ANXA8: variants seen among roughly 807,000 people sequenced by gnomAD.
ANXA8 encodes the protein annexin A8.
ANXA8 carries 9 observed loss-of-function variants against 26.8 expected under a neutral mutation model. The observed-to-expected ratio is 0.34, with a 90% confidence interval of 0.20 to 0.59. The LOEUF (loss-of-function observed/expected upper bound fraction) is 0.59. Ranked by LOEUF, ANXA8 falls within the 20% of genes least tolerant of loss-of-function variation. The pLI is 0.84. For missense variants in ANXA8, 83 were observed against 238.5 expected (o/e 0.35, Z 4.29); for synonymous variants, 39 against 94.8 (o/e 0.41, Z 3.42).
At chr10:47,772,281 C>A in the ANXA8 span, among the ~76,000 whole-genome samples, 2 of 151,950 alleles carry the variant, frequency 1.3e-5, no homozygotes, top group Non-Finnish European at 2.9e-5. Flanking sequence ...ACCTGCTCTG[C>A]CACCTTCAAG....
At chr10:47,907,287 G>A in the ANXA8 span, among the ~76,000 whole-genome samples, 8 of 152,238 alleles carry the variant, frequency 5.3e-5, no homozygotes, top group African/African-American at 1.9e-4. Context: ...AACCCGGGAG[G>A]CGGAGCTTGC....
At chr10:47,497,478 G>T in the ANXA8 span, among the ~76,000 whole-genome samples, 32 of 146,430 alleles carry the variant, frequency 2.2e-4, no homozygotes, top group African/African-American at 6.8e-4. Context: ...AATTAACTGG[G>T]CATGGTGGTG....
At chr10:47,580,754 A>AG in the ANXA8 span, among the ~76,000 whole-genome samples, 82 of 50,614 alleles carry the variant, frequency 1.6e-3, no homozygotes, top group African/African-American at 8.7e-3. Flanking sequence ...AAAACAAAAC[A>AG]AAAAAAAAAA....
the ANXA8 span, among the ~76,000 whole-genome samples, chr10:47,655,686 TC>T: frequency 6.6e-6 from 1 of 151,932 alleles, no homozygotes; most frequent in South Asian, 2.1e-4. Flanking sequence ...GAGACAACGT[TC>T]CCAAGTCTTT....
At chr10:47,469,210 G>A (rs1408123386) in intron 11 of ANXA8, among the ~76,000 whole-genome samples, 4 of 147,928 alleles carry the variant, frequency 2.7e-5, no homozygotes, top group African/African-American at 1.0e-4. Flanking sequence ...CTTCTATTCG[G>A]GAGCCAGGGT....
chr10:47,551,576 G>A, the ANXA8 span, among the ~76,000 whole-genome samples: 1 of 151,946 alleles, frequency 6.6e-6, no homozygotes, highest in Admixed American at 6.6e-5. Context: ...TGGAGGCAAG[G>A]CAGCTTCTAT....
At chr10:47,966,036 G>A in the ANXA8 span, among the ~76,000 whole-genome samples, 1 of 140,048 alleles carries the variant, frequency 7.1e-6, no homozygotes, top group Middle Eastern at 3.3e-3. Context: ...TGTGGGAGGA[G>A]GGCAAAGGGG....
In ANXA8 at chr10:47,483,992, C is replaced by A; in HGVS notation, c.-59G>T. ...ATGAAGAGACACAGGTTGGCCTCTGCTGGGACTCCACACGTCTGGCTCCTG... is the reference window on the plus strand; with the variant it reads ...ATGAAGAGACACAGGTTGGCCTCTGATGGGACTCCACACGTCTGGCTCCTG... On this transcript the variant is annotated 5_prime_UTR_variant, in exon 1 of 12. Transcript: ENST00000585281. 1 of 1,611,674 alleles carries A rather than the reference C, an allele frequency of 6.2e-7. No homozygotes were observed. Among genetic ancestry groups the A allele is most frequent in the Non-Finnish European group, 8.5e-7 (1 of 1,179,860 alleles).
chr10:47,896,411 G>A, the ANXA8 span, among the ~76,000 whole-genome samples: 35 of 142,220 alleles, frequency 2.5e-4, 2 homozygotes, highest in Middle Eastern at 3.8e-3. Flanking sequence ...AACCTCCACC[G>A]CCAGTATAGA....
chr10:47,474,583 TTC>T (rs1420518141), intron 7 of ANXA8, among the ~76,000 whole-genome samples, 185 bp from the exon 8 acceptor site: 1 of 78,904 alleles, frequency 1.3e-5, no homozygotes, highest in Non-Finnish European at 2.6e-5. Context: ...TTAGAATATT[TTC>T]TCTATCCTGG....
chr10:47,711,615 C>A, the ANXA8 span, among the ~76,000 whole-genome samples: 1 of 147,754 alleles, frequency 6.8e-6, no homozygotes, highest in East Asian at 1.9e-4. Context: ...AGCAAGCTGA[C>A]AAACATGTAT....
the ANXA8 span, among the ~76,000 whole-genome samples, chr10:47,979,445 C>A: frequency 6.6e-6 from 1 of 151,372 alleles, no homozygotes; most frequent in African/African-American, 2.4e-5. Context: ...GATATCCATG[C>A]CCTAATCCCT....
the ANXA8 span, among the ~76,000 whole-genome samples, chr10:47,611,612 T>C: frequency 1.0e-5 from 1 of 98,986 alleles, no homozygotes; most frequent in Non-Finnish European, 2.3e-5. Context: ...ATGTTGAACA[T>C]AAATCTCATT....
chr10:47,497,473 A>G, the ANXA8 span, among the ~76,000 whole-genome samples: 16,133 of 122,906 alleles, frequency 0.13, 1,158 homozygotes, highest in East Asian at 0.42. Context: ...TACAAAATTA[A>G]CTGGGCATGG....
At chr10:47,901,744 G>A in the ANXA8 span, among the ~76,000 whole-genome samples, 2 of 136,380 alleles carry the variant, frequency 1.5e-5, no homozygotes, top group Non-Finnish European at 3.2e-5. Context: ...CCACATAAGA[G>A]TCTTTCTCAA....
At chr10:47,687,516 C>T in the ANXA8 span, among the ~76,000 whole-genome samples, 1 of 151,828 alleles carries the variant, frequency 6.6e-6, no homozygotes, top group Admixed American at 6.6e-5. Context: ...CCTCCCGCTT[C>T]GGCCTCTCAA....
At chr10:47,684,143 T>A in the ANXA8 span, among the ~76,000 whole-genome samples, 1 of 152,050 alleles carries the variant, frequency 6.6e-6, no homozygotes, top group African/African-American at 2.4e-5. Flanking sequence ...CTTGCAAGTT[T>A]CATCTGGTAT....
the ANXA8 span, among the ~76,000 whole-genome samples, chr10:47,894,944 A>T: frequency 1.3e-5 from 2 of 151,904 alleles, no homozygotes; most frequent in African/African-American, 4.8e-5. Context: ...ATAACACAGC[A>T]CGCACTACAC....
chr10:47,581,686 A>G, the ANXA8 span: 3 of 313,184 alleles, frequency 9.6e-6, no homozygotes, highest in Non-Finnish European at 1.9e-5. Flanking sequence ...AGCTCACTGC[A>G]AGCTCTGCCT....
Sources: gnomAD v4.1 joint callset for allele counts (sites outside exome capture counted in the v4.1 genomes callset) on GRCh38, gnomAD v4.1.1 for gene constraint, MANE v1.5 for transcripts, NCBI Gene and HGNC (gene_info 2026-07-23, HGNC 2026-07-21) for gene names.